Variants in HCFC2 observed in about 807,000 individuals in gnomAD.
The protein encoded by HCFC2 is host cell factor 2.
HCFC2 carries 18 observed loss-of-function variants against 89.2 expected under a neutral mutation model. That is an observed-to-expected ratio of 0.20 (90% confidence interval 0.14 to 0.30). The LOEUF (loss-of-function observed/expected upper bound fraction) is 0.30, where lower values mean the gene tolerates loss of function less well. Ranked by LOEUF, HCFC2 falls within the 10% of genes least tolerant of loss-of-function variation. The probability of loss-of-function intolerance (pLI) is 1.00; values close to 1 mark genes in which losing one functional copy is unlikely to be tolerated. For missense variants in HCFC2, 578 were observed against 956.1 expected (o/e 0.60, Z 5.21); for synonymous variants, 308 against 335.7 (o/e 0.92, Z 0.90).
intron 8 of HCFC2, among the ~76,000 whole-genome samples, chr12:104,087,645 C>G (rs549985104): frequency 1.3e-4 from 20 of 151,700 alleles, no homozygotes; most frequent in African/African-American, 4.8e-4. Context: ...CACATAGACA[C>G]GTAGGATAGA....
rs1052040017 is a variant in HCFC2 at position 104,064,918 on chromosome 12, G to A, written c.163+195G>A. Reference sequence around the variant, plus strand: ...CGGACCGCAGCTCAGGATCTCCGGGGCCCTTGGGGCGCAACGGACCCCGAG... The same window carrying A: ...CGGACCGCAGCTCAGGATCTCCGGGACCCTTGGGGCGCAACGGACCCCGAG... On this transcript the variant is annotated intron_variant, in intron 1 of 14. Coordinates refer to ENST00000229330, the MANE Select transcript of HCFC2 (RefSeq NM_013320.3). This position sits in a 1 kb window ranked among gnomAD's most constrained non-coding sequence, Gnocchi z 7.3. The A allele has an allele frequency of 2.5e-5, 11 of 435,046 alleles. No individual in the cohort carries two copies. The highest frequency in any genetic ancestry group is 4.3e-5 in the Non-Finnish European group (11 of 255,362). The allele number at this position is 435,046 out of a possible 1,614,324, so 26.9% of individuals were successfully genotyped here. A position where few individuals can be genotyped will look rare whatever the true frequency, so the allele number is the denominator to read the frequency against.
intron 1 of HCFC2, among the ~76,000 whole-genome samples, chr12:104,065,449 C>T (rs1049307129): frequency 6.6e-6 from 1 of 152,080 alleles, no homozygotes; most frequent in East Asian, 1.9e-4. Context: ...TTTTTTTTCC[C>T]CTTGTAAATG....
At chr12:104,080,658 G>C in intron 4 of HCFC2, 88 bp from the exon 5 acceptor site, 2 of 732,134 alleles carry the variant, frequency 2.7e-6, no homozygotes, top group Non-Finnish European at 4.5e-6. Context: ...ATTTTGGTAA[G>C]TCCTTGTTTT....
At chr12:104,088,114 C>T (rs1883920373) in intron 9 of HCFC2, 76 bp downstream of exon 9, 1 of 973,456 alleles carries the variant, frequency 1.0e-6, no homozygotes, top group Admixed American at 2.1e-5. Context: ...ATTTAGCATA[C>T]TACTACTCTA....
At position 104,106,482 on chromosome 12, in the gene HCFC2, A is replaced by G. The variant is rs1400850638; in HGVS notation, c.*3209A>G. On this transcript the variant is annotated 3_prime_UTR_variant, in exon 15 of 15. Transcript: ENST00000229330. ...TTTTAGGCAGTTTTATGTATCGTGT[A>G]CCAATGATATGTAAAATAAAGCACC... 6.6e-6 allele frequency: 1 copy of G among 152,132 alleles called. No homozygotes were observed. The highest frequency in any genetic ancestry group is 1.5e-5 in the Non-Finnish European group (1 of 68,004). The allele number at this position is 152,132 out of a possible 1,614,324, so 9.4% of individuals were successfully genotyped here.
chr12:104,086,044 C>G (rs1883829968), intron 7 of HCFC2, among the ~76,000 whole-genome samples: 1 of 145,024 alleles, frequency 6.9e-6, no homozygotes, highest in Non-Finnish European at 1.5e-5. Flanking sequence ...GCCGCCCAGG[C>G]TGGAGTGCAG....
intron 7 of HCFC2, among the ~76,000 whole-genome samples, chr12:104,086,533 G>A (rs1883850109): frequency 6.6e-6 from 1 of 151,544 alleles, no homozygotes; most frequent in Admixed American, 6.6e-5. Flanking sequence ...CTCCTTCTAG[G>A]ATTAAACACA....
At position 104,089,510 on chromosome 12, in the gene HCFC2, C is replaced by G. The variant is rs2700506; in HGVS notation, c.1284+1472C>G. On this transcript the variant is annotated intron_variant, in intron 9 of 14. Coordinates refer to ENST00000229330, the MANE Select transcript of HCFC2 (RefSeq NM_013320.3). ...CAGCCTGGGTGACCGAGCAAGACTCCGTCTCAAAAAATAAATAAATAAATA... is the reference window on the plus strand; with the variant it reads ...CAGCCTGGGTGACCGAGCAAGACTCGGTCTCAAAAAATAAATAAATAAATA... Among the ~76,000 whole-genome samples, 7 of 152,124 alleles carry G rather than the reference C, an allele frequency of 4.6e-5. No individual in the cohort carries two copies. The South Asian group carries it at 6.2e-4, about 14-fold the overall frequency.
rs11834648 is a variant in HCFC2 at position 104,080,218 on chromosome 12, A to G, written c.683-528A>G. ...AATTGGTGGCACCCTAAGCACACTT[A>G]TTTATTACAAATACAGTCATCCCTC... On this transcript the variant is annotated intron_variant, in intron 4 of 14. Transcript: ENST00000229330. Among the ~76,000 whole-genome samples the G allele has an allele frequency of 9.2e-3, 1,399 of 152,314 alleles. 20 individuals are homozygous for G. Among genetic ancestry groups the G allele is most frequent in the African/African-American group, 0.032 (1,334 of 41,560 alleles).
At chr12:104,087,682 G>A (rs1472025209) in intron 8 of HCFC2, among the ~76,000 whole-genome samples, 1 of 151,790 alleles carries the variant, frequency 6.6e-6, no homozygotes. Context: ...TCATTTTTAT[G>A]TACTTTCCTA....
chr12:104,102,222 T>C, intron 14 of HCFC2, 69 bp downstream of exon 14: 1 of 1,340,540 alleles, frequency 7.5e-7, no homozygotes, highest in Non-Finnish European at 1.0e-6. Flanking sequence ...AAGTAAACTG[T>C]CAGTTTAGAA....
intron 3 of HCFC2, among the ~76,000 whole-genome samples, chr12:104,077,974 GTAT>G (rs1883558846): frequency 6.6e-6 from 1 of 151,956 alleles, no homozygotes; most frequent in Non-Finnish European, 1.5e-5. Context: ...CTTATTCAAA[GTAT>G]TATTTCTTTA....
At chr12:104,089,060 C>A (rs1593605560) in intron 9 of HCFC2, among the ~76,000 whole-genome samples, 1 of 152,128 alleles carries the variant, frequency 6.6e-6, no homozygotes, top group South Asian at 2.1e-4. Context: ...ACAGTCCCCT[C>A]GATATTCAAG....
rs372577091 is a variant in HCFC2 at position 104,095,713 on chromosome 12, G to C, written c.1666+150G>C. The C allele has an allele frequency of 3.2e-6, 2 of 622,848 alleles. No homozygotes were observed. The allele number at this position is 622,848 out of a possible 1,614,324, so 38.6% of individuals were successfully genotyped here. On this transcript the variant is annotated intron_variant, in intron 11 of 14. Coordinates refer to ENST00000229330, the MANE Select transcript of HCFC2 (RefSeq NM_013320.3). The surrounding 1 kb of genome is among the most constrained non-coding windows in gnomAD (Gnocchi z 4.2). ...TTTCTGTGAGCAAGAGTTTTCATTT[G>C]ACCTAAATTTAACTTTTAGAATCTT... is the stretch of plus-strand genomic sequence containing the variant.
chr12:104,080,713 T>A (rs754389749), intron 4 of HCFC2, 33 bp from the exon 5 acceptor site: 1 of 1,306,470 alleles, frequency 7.7e-7, no homozygotes, highest in Non-Finnish European at 1.1e-6. Context: ...TCTTGTTAGA[T>A]CAAGTTGCTA....
chr12:104,084,586 T>C (rs1052821713), intron 7 of HCFC2, among the ~76,000 whole-genome samples: 1 of 152,144 alleles, frequency 6.6e-6, no homozygotes, highest in Non-Finnish European at 1.5e-5. Context: ...GGTGTTAGAA[T>C]TTCTAAGTTA....
Position 104,080,616 on chromosome 12 carries a change from G to A in HCFC2, c.683-130G>A, listed in dbSNP as rs1009098222. 2.1e-5 allele frequency: 11 copies of A among 522,018 alleles called. No individual in the cohort carries two copies. The African/African-American group carries it at 2.2e-4, about 10-fold the overall frequency. 32.3% of individuals were successfully genotyped at this position (522,018 alleles called of 1,614,324 possible). A position where few individuals can be genotyped will look rare whatever the true frequency, so the allele number is the denominator to read the frequency against. On this transcript the variant is annotated intron_variant, in intron 4 of 14. Coordinates refer to ENST00000229330, the MANE Select transcript of HCFC2 (RefSeq NM_013320.3). ...GTAAGCTGGAAATGTTTAAGATAAT[G>A]TTCAAATAACTGTTCTAAAATACTT...
intron 4 of HCFC2, 42 bp downstream of exon 4, chr12:104,079,695 A>C (rs1883621165): frequency 6.9e-7 from 1 of 1,450,564 alleles, no homozygotes; most frequent in African/African-American, 1.4e-5. Context: ...GGGCAAATTA[A>C]AAAATGCTTT....
rs756321771 is a variant in HCFC2 at position 104,066,170 on chromosome 12, C to T, written c.167C>T (p.Thr56Met). The T allele has an allele frequency of 5.6e-6, 9 of 1,612,164 alleles. No homozygotes were observed. Among genetic ancestry groups the T allele is most frequent in the Admixed American group, 1.7e-5 (1 of 59,490 alleles). ...ADELHVYNTATNQWFLPAVRG... is the reference protein window; with the variant it reads ...ADELHVYNTAMNQWFLPAVRG... ...TTCATTTTATTTTGGCAACTAGCTA[C>T]GAATCAGTGGTTTCTGCCAGCTGTT... is the stretch of plus-strand genomic sequence containing the variant. The change falls in exon 2 of 15, where the codon ACG (threonine) becomes ATG (methionine). Residue 56 changes from threonine to methionine, a missense_variant. By Grantham distance (81) the Thr-to-Met change is moderately conservative. Around this residue, in one of 4 missense-constraint regions of HCFC2, gnomAD observed 206 missense variants for 419.2 expected, o/e 0.49. Transcript: ENST00000229330.
Sources: allele counts gnomAD v4.1 joint callset (sites outside exome capture counted in the v4.1 genomes callset), GRCh38; gene constraint gnomAD v4.1.1; regional missense constraint gnomAD v4.1.1; non-coding constraint Gnocchi (gnomAD v3.1); transcripts MANE v1.5; gene names NCBI Gene and HGNC (gene_info 2026-07-23, HGNC 2026-07-21).